The following CTDSPL2 variants were observed in gnomAD, a reference collection of about 807,000 sequenced individuals.
CTDSPL2 encodes the protein CTD small phosphatase-like protein 2.
Under a neutral mutation model 60.0 loss-of-function variants are expected in CTDSPL2, and 5 were observed. The ratio of observed to expected loss-of-function variants is 0.08; its 90% CI spans 0.04 to 0.18. The LOEUF (loss-of-function observed/expected upper bound fraction) is 0.18. Among genes scored for constraint, CTDSPL2 ranks in the 10% least tolerant of loss-of-function variants. The pLI, the probability that CTDSPL2 is intolerant of heterozygous loss-of-function variation, is 1.00. For missense variants in CTDSPL2, 370 were observed against 548.8 expected, an observed-to-expected ratio of 0.67 and a Z score of 3.26; for synonymous variants, 186 against 189.3, an observed-to-expected ratio of 0.98 and a Z score of 0.14.
intron 2 of CTDSPL2, among the ~76,000 whole-genome samples, chr15:44,464,520 G>A (rs8023453): frequency 0.051 from 7,818 of 152,110 alleles, 360 homozygotes; most frequent in East Asian, 0.23. Context: ...GTGGCTGGAC[G>A]CTGTCTAGAA....
At chr15:44,478,002 C>T (rs1052109450) in intron 2 of CTDSPL2, among the ~76,000 whole-genome samples, 1 of 152,106 alleles carries the variant, frequency 6.6e-6, no homozygotes, top group Admixed American at 6.6e-5. Context: ...AGTTTTATGT[C>T]TACATTTTTT....
At chr15:44,472,502 A>G (rs2080831055) in intron 2 of CTDSPL2, among the ~76,000 whole-genome samples, 1 of 145,542 alleles carries the variant, frequency 6.9e-6, no homozygotes, top group African/African-American at 2.5e-5. Flanking sequence ...AATGTCTGGT[A>G]TTTTAATTGT....
intron 1 of CTDSPL2, among the ~76,000 whole-genome samples, chr15:44,455,529 C>T (rs1202691302): frequency 6.6e-6 from 1 of 152,102 alleles, no homozygotes; most frequent in East Asian, 1.9e-4. Flanking sequence ...CCAGTTTTTG[C>T]CCATTCAGTA....
chr15:44,525,317 C>G lies in CTDSPL2; in HGVS notation c.*1143C>G, dbSNP rs78815918. 5,583 of 398,366 alleles carry G rather than the reference C, an allele frequency of 0.014. 286 individuals carry two copies. The highest frequency in any genetic ancestry group is 0.1 in the African/African-American group (5,089 of 48,686). The allele number at this position is 398,366 out of a possible 1,614,324, so 24.7% of individuals were successfully genotyped here. ...AAGCCACCAATGCAGTTAATATGCT[C>G]TCATAGTGGTTTTTCTATGCTATAT... On this transcript the variant is annotated 3_prime_UTR_variant, in exon 13 of 13. Transcript: ENST00000260327.
intron 2 of CTDSPL2, among the ~76,000 whole-genome samples, chr15:44,466,159 A>G (rs1205406845): frequency 6.6e-6 from 1 of 150,944 alleles, no homozygotes; most frequent in Non-Finnish European, 1.5e-5. Context: ...CTGGTCTCGA[A>G]CTCCTGACCT....
At chr15:44,521,683 A>G (rs910008665) in intron 12 of CTDSPL2, among the ~76,000 whole-genome samples, 1 of 152,040 alleles carries the variant, frequency 6.6e-6, no homozygotes, top group African/African-American at 2.4e-5. Flanking sequence ...TCACGCCTGT[A>G]ATCCCAGCAC....
At chr15:44,474,405 G>A (rs1319423717) in intron 2 of CTDSPL2, among the ~76,000 whole-genome samples, 1 of 151,738 alleles carries the variant, frequency 6.6e-6, no homozygotes, top group African/African-American at 2.4e-5. Flanking sequence ...GCGGGAGATC[G>A]CTTGAACCCA....
intron 4 of CTDSPL2, among the ~76,000 whole-genome samples, chr15:44,488,628 C>T (rs2081162116): frequency 6.6e-6 from 1 of 152,074 alleles, no homozygotes; most frequent in Non-Finnish European, 1.5e-5. Flanking sequence ...GCCTGACCAA[C>T]ATGGAGAAAC....
intron 8 of CTDSPL2, 102 bp downstream of exon 8, chr15:44,499,915 TC>T (rs1253020039): frequency 1.5e-6 from 1 of 656,612 alleles, no homozygotes; most frequent in Non-Finnish European, 2.7e-6. Context: ...AATGTGTTTT[TC>T]TGTAGAAGTA....
At chr15:44,442,609 C>G (rs548322997) in intron 1 of CTDSPL2, among the ~76,000 whole-genome samples, 1 of 152,126 alleles carries the variant, frequency 6.6e-6, no homozygotes, top group East Asian at 1.9e-4. Context: ...GCAAATTTTA[C>G]TTGGTCCCTT....
At chr15:44,517,584 G>A (rs1434160656) in intron 10 of CTDSPL2, 1 of 152,128 alleles carries the variant, frequency 6.6e-6, no homozygotes, top group African/African-American at 2.4e-5. Flanking sequence ...TTGATGACTG[G>A]TACAAATAGT....
chr15:44,508,078 C>CT (rs1378208615), intron 8 of CTDSPL2, among the ~76,000 whole-genome samples: 33 of 149,466 alleles, frequency 2.2e-4, no homozygotes, highest in South Asian at 1.3e-3. Context: ...GCATCTCATT[C>CT]TTTTTTTTTC....
chr15:44,508,817 G>A (rs963970267), intron 8 of CTDSPL2, among the ~76,000 whole-genome samples: 3 of 152,170 alleles, frequency 2.0e-5, no homozygotes, highest in Non-Finnish European at 4.4e-5. Context: ...TATTCGGGAG[G>A]CTGAGGCAGA....
intron 1 of CTDSPL2, among the ~76,000 whole-genome samples, chr15:44,450,965 C>T (rs917220689): frequency 2.0e-5 from 3 of 151,930 alleles, no homozygotes; most frequent in African/African-American, 4.8e-5. Context: ...ACAGGTAATA[C>T]GTGTAGTATA....
At chr15:44,520,316 T>G (rs1344735693) in intron 11 of CTDSPL2, 1 of 151,276 alleles carries the variant, frequency 6.6e-6, no homozygotes, top group Non-Finnish European at 1.5e-5. Context: ...CGTGCTAATT[T>G]TTTTGTATTA....
chr15:44,447,355 T>TA (rs2080238965), intron 1 of CTDSPL2, among the ~76,000 whole-genome samples: 1 of 152,216 alleles, frequency 6.6e-6, no homozygotes, highest in African/African-American at 2.4e-5. Context: ...TTATCAAAGT[T>TA]ATGTTTGATG....
chr15:44,521,053 T>C, intron 11 of CTDSPL2: 1 of 204,136 alleles, frequency 4.9e-6, no homozygotes, highest in Non-Finnish European at 9.7e-6. Flanking sequence ...TTATAAAATG[T>C]ATTTTAATGG....
At chr15:44,519,607 ATAGT>A (rs1312175176) in intron 11 of CTDSPL2, 7 of 199,876 alleles carry the variant, frequency 3.5e-5, no homozygotes, top group East Asian at 1.5e-4. Context: ...TTTGAGTACT[ATAGT>A]TAGTTTATGT....
chr15:44,481,727 C>T (rs1384256849), intron 2 of CTDSPL2, among the ~76,000 whole-genome samples: 1 of 152,164 alleles, frequency 6.6e-6, no homozygotes. Flanking sequence ...ATATGTACCA[C>T]CATGCCTGGC....
Sources: gnomAD v4.1 joint callset for allele counts (sites outside exome capture counted in the v4.1 genomes callset) on GRCh38, gnomAD v4.1.1 for gene constraint, MANE v1.5 for transcripts, NCBI Gene and HGNC (gene_info 2026-07-23, HGNC 2026-07-21) for gene names.